Variants in EPHA4 observed in about 807,000 individuals in gnomAD.
EPHA4 encodes the protein ephrin type-A receptor 4.
In EPHA4, 19 loss-of-function variants were observed where a neutral mutation model predicts 108.3. The observed-to-expected ratio is 0.18, with a 90% confidence interval of 0.12 to 0.26. EPHA4 has a LOEUF of 0.26. Ranked by LOEUF, EPHA4 falls within the 10% of genes least tolerant of loss-of-function variation. The probability of loss-of-function intolerance (pLI) is 1.00; values close to 1 mark genes in which losing one functional copy is unlikely to be tolerated. For synonymous variants in EPHA4, 449 were observed against 455.5 expected (o/e 0.99, Z 0.18); for missense variants, 917 against 1,254.0 (o/e 0.73, Z 4.06).
At chr2:221,483,551 TG>T (rs1379098985) in intron 4 of EPHA4, among the ~76,000 whole-genome samples, 1 of 149,216 alleles carries the variant, frequency 6.7e-6, no homozygotes, top group African/African-American at 2.6e-5. Flanking sequence ...AGTCTCGCTC[TG>T]TCACCCAGGC....
In EPHA4 at chr2:221,501,005, C is replaced by T. The variant is rs1455859576; in HGVS notation, c.979+12G>A. On this transcript the variant is annotated intron_variant, in intron 4 of 17. Coordinates refer to ENST00000281821, the MANE Select transcript of EPHA4 (RefSeq NM_004438.5). ...TGGCATCACAGGAATGAGAGACAAG[C>T]ATACAACTTACGGGTGCAGGGCATA... is the stretch of plus-strand genomic sequence containing the variant. 1 of 1,579,236 alleles carries T rather than the reference C, an allele frequency of 6.3e-7. No individual in the cohort carries two copies. The highest frequency in any genetic ancestry group is 8.6e-7 in the Non-Finnish European group (1 of 1,164,488).
rs16862680 is a variant in EPHA4 at position 221,450,457 on chromosome 2, C to G, written c.1716-4276G>C. ...CAACATCACTAGCAGAGTCTTGAAG[C>G]TTTGGTTCCATAGAACTGCCAATGT... is the stretch of plus-strand genomic sequence containing the variant. On this transcript the variant is annotated intron_variant, in intron 8 of 17. Transcript: ENST00000281821. Among the ~76,000 whole-genome samples, 726 of 152,316 alleles carry G rather than the reference C, an allele frequency of 4.8e-3. 27 individuals are homozygous for G. In the East Asian group the frequency reaches 0.089, roughly 19 times the overall value.
chr2:221,447,686 T>C (rs999646983), intron 8 of EPHA4, among the ~76,000 whole-genome samples: 1 of 152,086 alleles, frequency 6.6e-6, no homozygotes, highest in African/African-American at 2.4e-5. Context: ...TCTCCTTCCC[T>C]AACTGTTTGC....
rs181538063 is a variant in EPHA4, at chr2:221,550,851, T to C, written c.823+12880A>G. Among the ~76,000 whole-genome samples the C allele has an allele frequency of 1.0e-3, 154 of 151,836 alleles. 4 individuals carry two copies. The highest frequency in any genetic ancestry group is 3.3e-3 in the African/African-American group (135 of 41,442). ...GTTTATGGTTTATCACGAGAAAAAA[T>C]CTACTAATATATTAGATCTCATAAA... On this transcript the variant is annotated intron_variant, in intron 3 of 17. Transcript: ENST00000281821.
At chr2:221,428,477 G>C (rs1218483644) in intron 15 of EPHA4, among the ~76,000 whole-genome samples, 1 of 152,134 alleles carries the variant, frequency 6.6e-6, no homozygotes, top group Non-Finnish European at 1.5e-5. Flanking sequence ...TCTGTACCTT[G>C]GGGCAAAGCA....
chr2:221,554,041 A>G (rs1694236917), intron 3 of EPHA4, among the ~76,000 whole-genome samples: 1 of 151,432 alleles, frequency 6.6e-6, no homozygotes. Flanking sequence ...TAACTTATTA[A>G]GAAGAGGTTA....
intron 3 of EPHA4, among the ~76,000 whole-genome samples, chr2:221,548,923 C>T (rs375821115): frequency 3.9e-5 from 6 of 152,216 alleles, no homozygotes; most frequent in East Asian, 3.9e-4. Flanking sequence ...TGACTGAGGA[C>T]GACACCAGGA....
At chr2:221,424,909 G>A (rs1246283260) in intron 17 of EPHA4, among the ~76,000 whole-genome samples, 1 of 152,172 alleles carries the variant, frequency 6.6e-6, no homozygotes, top group East Asian at 1.9e-4. Flanking sequence ...AAGGACAGGA[G>A]GAGCCCTTCG....
chr2:221,447,821 T>TTTTA (rs56796398), intron 8 of EPHA4, among the ~76,000 whole-genome samples: 80,031 of 147,486 alleles, frequency 0.54, 22,660 homozygotes, highest in East Asian at 0.84. Context: ...AAGGGTCTAT[T>TTTTA]TTTATTTATT....
intron 3 of EPHA4, chr2:221,501,470 A>T (rs1692488567): frequency 3.7e-6 from 1 of 271,358 alleles, no homozygotes; most frequent in Non-Finnish European, 6.9e-6. Context: ...TATGTGCCAG[A>T]TACCCTTTAT....
At position 221,515,097 on chromosome 2, in the gene EPHA4, TTTTG is replaced by T. The variant is rs998850245; in HGVS notation, c.824-13929_824-13926del. ...TCTATTTACAAGATGCTACCTCAAT[TTTTG>T]TTTGTTTGTTTGAGACGAAGTTTTG... On this transcript the variant is annotated intron_variant, in intron 3 of 17. Coordinates refer to ENST00000281821, the MANE Select transcript of EPHA4 (RefSeq NM_004438.5). 3.3e-5 allele frequency among the ~76,000 whole-genome samples: 5 copies of T among 152,252 alleles called. No homozygotes were observed. The South Asian group carries it at 8.3e-4, about 25-fold the overall frequency.
At chr2:221,478,667 C>A (rs3770148) in intron 5 of EPHA4, among the ~76,000 whole-genome samples, 24,497 of 152,132 alleles carry the variant, frequency 0.16, 2,361 homozygotes, top group East Asian at 0.27. Flanking sequence ...TGACTCATCT[C>A]ATTAGAGAAT....
chr2:221,442,175 C>T (rs1258795508), intron 11 of EPHA4, among the ~76,000 whole-genome samples: 1 of 152,184 alleles, frequency 6.6e-6, no homozygotes, highest in Non-Finnish European at 1.5e-5. Context: ...GCTGTGCTGT[C>T]TATGTGGCAC....
chr2:221,559,963 C>A (rs1694411474), intron 3 of EPHA4, among the ~76,000 whole-genome samples: 1 of 152,208 alleles, frequency 6.6e-6, no homozygotes, highest in South Asian at 2.1e-4. Flanking sequence ...AAGCCACCAT[C>A]CCCCTGCCCT....
chr2:221,468,192 ACCTACAATGC>A (rs1691369763), intron 5 of EPHA4, among the ~76,000 whole-genome samples: 3 of 151,972 alleles, frequency 2.0e-5, no homozygotes, highest in African/African-American at 7.2e-5. Flanking sequence ...GGTCTCCATG[ACCTACAATGC>A]CCTCCAATCA....
intron 5 of EPHA4, among the ~76,000 whole-genome samples, chr2:221,472,654 G>C (rs1274565762): frequency 2.0e-5 from 3 of 152,142 alleles, no homozygotes; most frequent in Non-Finnish European, 4.4e-5. Flanking sequence ...AAAAAATTGT[G>C]TACTGGAAGA....
At chr2:221,483,536 G>GTGTGT (rs1574601314) in intron 4 of EPHA4, among the ~76,000 whole-genome samples, 2 of 142,102 alleles carry the variant, frequency 1.4e-5, no homozygotes, top group African/African-American at 5.5e-5. Context: ...GTGTGTGTGT[G>GTGTGT]ATGGAGTCTC....
chr2:221,516,444 T>C (rs1045275457), intron 3 of EPHA4, among the ~76,000 whole-genome samples: 2 of 149,344 alleles, frequency 1.3e-5, no homozygotes, highest in Non-Finnish European at 3.0e-5. Flanking sequence ...AACCTCCGCC[T>C]CTCAGGTTCA....
intron 9 of EPHA4, among the ~76,000 whole-genome samples, chr2:221,443,916 T>A (rs1169912011): frequency 6.6e-6 from 1 of 152,232 alleles, no homozygotes; most frequent in Non-Finnish European, 1.5e-5. Flanking sequence ...TCCCAAGCAG[T>A]TGCTCATAGC....
Sources: allele counts gnomAD v4.1 joint callset (sites outside exome capture counted in the v4.1 genomes callset), GRCh38; gene constraint gnomAD v4.1.1; transcripts MANE v1.5; gene names NCBI Gene and HGNC (gene_info 2026-07-23, HGNC 2026-07-21).